Variants in OXR1 observed in about 807,000 individuals in gnomAD.
OXR1 encodes the protein oxidation resistance protein 1.
In OXR1, 41 loss-of-function variants were observed where a neutral mutation model predicts 104.6. The observed-to-expected ratio is 0.39, with a 90% CI of 0.31 to 0.51. The LOEUF is 0.51. Ranked by LOEUF, OXR1 falls within the 20% of genes least tolerant of loss-of-function variation. The pLI is 0.77. For synonymous variants in OXR1, 348 were observed against 348.4 expected (o/e 1.00, Z 0.01); for missense variants, 955 against 1,031.9 (o/e 0.93, Z 1.02).
At chr8:106,619,863 G>A (rs937010695) in intron 3 of OXR1, among the ~76,000 whole-genome samples, 1 of 152,010 alleles carries the variant, frequency 6.6e-6, no homozygotes, top group African/African-American at 2.4e-5. Flanking sequence ...GGTTCAATTA[G>A]ATCCCTCTTC....
At chr8:106,543,560 A>T (rs1330351753) in intron 3 of OXR1, among the ~76,000 whole-genome samples, 1 of 152,176 alleles carries the variant, frequency 6.6e-6, no homozygotes, top group African/African-American at 2.4e-5. Context: ...TGATGAGCTG[A>T]TACTGTGTGT....
At chr8:106,605,728 G>A (rs1820328734) in intron 3 of OXR1, among the ~76,000 whole-genome samples, 1 of 151,998 alleles carries the variant, frequency 6.6e-6, no homozygotes, top group African/African-American at 2.4e-5. Context: ...GAACCCGGGA[G>A]GTGGAGGTTG....
chr8:106,358,663 A>G (rs1250207975), intron 1 of OXR1, among the ~76,000 whole-genome samples: 1 of 152,178 alleles, frequency 6.6e-6, no homozygotes, highest in East Asian at 1.9e-4. Context: ...AGTACTATGG[A>G]ATTAATTTGA....
chr8:106,463,479 C>T (rs1029509153), intron 2 of OXR1, among the ~76,000 whole-genome samples: 2 of 152,162 alleles, frequency 1.3e-5, no homozygotes, highest in South Asian at 2.1e-4. Flanking sequence ...AAATATACTT[C>T]ATGTCTGTTT....
At chr8:106,294,030 T>TA (rs1020400637) in intron 1 of OXR1, among the ~76,000 whole-genome samples, 4 of 147,910 alleles carry the variant, frequency 2.7e-5, no homozygotes, top group African/African-American at 7.7e-5. Context: ...CATTTTTTTT[T>TA]AAAAAGTCAA....
intron 3 of OXR1, among the ~76,000 whole-genome samples, chr8:106,609,953 C>T (rs146767766): frequency 7.0e-4 from 107 of 152,036 alleles, no homozygotes; most frequent in Non-Finnish European, 1.1e-3. Flanking sequence ...TTTTCCTAAA[C>T]GATATCAGTT....
intron 3 of OXR1, among the ~76,000 whole-genome samples, chr8:106,672,520 G>GAA (rs1827138704): frequency 5.7e-5 from 4 of 70,456 alleles, no homozygotes; most frequent in African/African-American, 1.4e-4. Flanking sequence ...GAAAGAAAGA[G>GAA]AGAGAGAGAG....
At chr8:106,441,165 T>C (rs1019368996) in intron 2 of OXR1, among the ~76,000 whole-genome samples, 3 of 152,212 alleles carry the variant, frequency 2.0e-5, no homozygotes, top group East Asian at 3.9e-4. Context: ...CACTGTTCAC[T>C]GAATAGATCC....
At chr8:106,272,699 T>C (rs1471122094) in intron 1 of OXR1, 1 of 152,198 alleles carries the variant, frequency 6.6e-6, no homozygotes. Context: ...GTTTTTGAAA[T>C]ATACCCTTTG....
intron 2 of OXR1, among the ~76,000 whole-genome samples, chr8:106,431,626 A>G (rs775338391): frequency 3.3e-5 from 5 of 152,184 alleles, no homozygotes; most frequent in Non-Finnish European, 7.3e-5. Context: ...TTTCTCTCCC[A>G]GGATATAAAC....
At chr8:106,343,571 A>T (rs528798935) in intron 1 of OXR1, among the ~76,000 whole-genome samples, 16 of 152,356 alleles carry the variant, frequency 1.1e-4, no homozygotes, top group Admixed American at 8.5e-4. Context: ...CAACCTTCCC[A>T]TGAAGAGATT....
intron 2 of OXR1, among the ~76,000 whole-genome samples, chr8:106,489,058 A>G (rs1810895861): frequency 6.7e-6 from 1 of 149,468 alleles, no homozygotes; most frequent in Non-Finnish European, 1.5e-5. Context: ...ACCCATGAGC[A>G]TGGAATGTTC....
rs139112061 is a variant in OXR1 at position 106,456,227 on chromosome 8, C to G, written c.24-62716C>G. ...CAGAGGATGAAGATATAGCTGGGAA[C>G]AGAACGAAGATACTGTCTTTCTGTC... On this transcript the variant is annotated intron_variant, in intron 2 of 16. Coordinates refer to ENST00000517566, the MANE Select transcript of OXR1 (RefSeq NM_001198533.2). Among the ~76,000 whole-genome samples the G allele has an allele frequency of 6.3e-3, 962 of 152,222 alleles. 14 individuals are homozygous for G. The highest frequency in any genetic ancestry group is 0.018 in the African/African-American group (748 of 41,554).
intron 3 of OXR1, among the ~76,000 whole-genome samples, chr8:106,653,193 G>T (rs922826770): frequency 1.3e-5 from 2 of 151,300 alleles, no homozygotes; most frequent in Non-Finnish European, 3.0e-5. Flanking sequence ...TTTAAAGAAT[G>T]ATTAGTAACA....
At chr8:106,418,036 T>C (rs546073814) in intron 2 of OXR1, among the ~76,000 whole-genome samples, 1 of 152,218 alleles carries the variant, frequency 6.6e-6, no homozygotes, top group East Asian at 1.9e-4. Flanking sequence ...CTAGTCAGTA[T>C]CAAGTGGTCA....
chr8:106,325,374 A>G (rs1814426696), intron 1 of OXR1, among the ~76,000 whole-genome samples: 1 of 152,210 alleles, frequency 6.6e-6, no homozygotes, highest in African/African-American at 2.4e-5. Context: ...AAGACTTGCT[A>G]GTCATTGGAG....
intron 3 of OXR1, among the ~76,000 whole-genome samples, chr8:106,593,628 T>A (rs1311829068): frequency 6.6e-6 from 1 of 151,990 alleles, no homozygotes; most frequent in Non-Finnish European, 1.5e-5. Context: ...ATACAAAAAA[T>A]TAGCCGGGTG....
At chr8:106,506,356 G>A (rs1812157853) in intron 2 of OXR1, among the ~76,000 whole-genome samples, 1 of 152,224 alleles carries the variant, frequency 6.6e-6, no homozygotes. Context: ...GCTCACGCCT[G>A]TAATCTCAGC....
intron 1 of OXR1, among the ~76,000 whole-genome samples, chr8:106,355,913 A>T (rs1815947846): frequency 6.6e-6 from 1 of 152,158 alleles, no homozygotes; most frequent in Non-Finnish European, 1.5e-5. Context: ...TACCCTGTCA[A>T]AGAAAAAATG....
Sources: allele counts gnomAD v4.1 joint callset (sites outside exome capture counted in the v4.1 genomes callset), GRCh38; gene constraint gnomAD v4.1.1; transcripts MANE v1.5; gene names NCBI Gene and HGNC (gene_info 2026-07-23, HGNC 2026-07-21).